Variants in SCAMP2 observed in about 807,000 individuals in gnomAD.
SCAMP2 encodes the protein secretory carrier membrane protein 2.
SCAMP2 carries 25 observed loss-of-function variants against 44.1 expected under a neutral mutation model. The ratio of observed to expected loss-of-function variants is 0.57; its 90% CI spans 0.41 to 0.79. The LOEUF (loss-of-function observed/expected upper bound fraction) is 0.79, where lower values mean the gene tolerates loss of function less well. Among genes scored for constraint, SCAMP2 ranks in the 30% least tolerant of loss-of-function variants. SCAMP2 has a pLI of 0.00. For missense variants in SCAMP2, 355 were observed against 411.0 expected (o/e 0.86, Z 1.18); for synonymous variants, 156 against 166.0 (o/e 0.94, Z 0.46).
chr15:74,851,557 A>G, intron 4 of SCAMP2, 76 bp from the exon 5 acceptor site: 1 of 1,583,596 alleles, frequency 6.3e-7, no homozygotes, highest in Non-Finnish European at 8.6e-7. Context: ...ACGCCAGCAT[A>G]GTGTATGGGC....
At chr15:74,846,453 AAAAAAAAAAG>A (rs1238474361) in intron 7 of SCAMP2, among the ~76,000 whole-genome samples, 16 of 104,980 alleles carry the variant, frequency 1.5e-4, no homozygotes, top group South Asian at 1.1e-3. Context: ...CTCCAAAAAA[AAAAAAAAAAG>A]AAAAGAAAAA....
chr15:74,853,796 C>T, intron 3 of SCAMP2: 3 of 581,904 alleles, frequency 5.2e-6, no homozygotes, highest in Non-Finnish European at 9.2e-6. Context: ...GTGAGTAGAG[C>T]TTATTTCTCA....
At chr15:74,855,494 A>G (rs1596417202) in intron 1 of SCAMP2, among the ~76,000 whole-genome samples, 1 of 151,948 alleles carries the variant, frequency 6.6e-6, no homozygotes, top group African/African-American at 2.4e-5. Context: ...AGGCGGGTGG[A>G]TCACCTGAGG....
chr15:74,847,992 C>T (rs1290474593), intron 7 of SCAMP2, among the ~76,000 whole-genome samples: 1 of 152,002 alleles, frequency 6.6e-6, no homozygotes, highest in East Asian at 1.9e-4. Flanking sequence ...GTGCAGGACA[C>T]TGTCATGGTA....
intron 1 of SCAMP2, among the ~76,000 whole-genome samples, chr15:74,861,482 G>A (rs1295137789): frequency 6.6e-6 from 1 of 152,266 alleles, no homozygotes; most frequent in East Asian, 1.9e-4. Flanking sequence ...ACTTACAATA[G>A]GAGAAAAAAG....
chr15:74,863,618 C>T (rs1214488122), intron 1 of SCAMP2, among the ~76,000 whole-genome samples: 3 of 152,106 alleles, frequency 2.0e-5, no homozygotes, highest in African/African-American at 4.8e-5. Flanking sequence ...GTCACCTGGC[C>T]GGGCATTCAA....
intron 1 of SCAMP2, among the ~76,000 whole-genome samples, chr15:74,866,269 A>G (rs1403613873): frequency 6.6e-6 from 1 of 151,718 alleles, no homozygotes; most frequent in Admixed American, 6.6e-5. Context: ...CAGCAGACGC[A>G]TCCCAGGCTC....
intron 5 of SCAMP2, among the ~76,000 whole-genome samples, 199 bp downstream of exon 5, chr15:74,851,154 T>C (rs1244930112): frequency 1.3e-5 from 2 of 152,030 alleles, no homozygotes; most frequent in Admixed American, 6.5e-5. Context: ...ATCGGTGGTC[T>C]GGACTGCCCC....
At chr15:74,853,632 A>C (rs1220693197) in intron 3 of SCAMP2, 1 of 364,820 alleles carries the variant, frequency 2.7e-6, no homozygotes, top group African/African-American at 2.1e-5. Context: ...GGGACAAAGG[A>C]AGACAGGAAG....
At chr15:74,871,938 G>A (rs1004660718) in intron 1 of SCAMP2, among the ~76,000 whole-genome samples, 19 of 137,188 alleles carry the variant, frequency 1.4e-4, no homozygotes, top group Non-Finnish European at 3.0e-4. Flanking sequence ...CCAGTTTCTC[G>A]GGAGGCTGAA....
intron 1 of SCAMP2, among the ~76,000 whole-genome samples, chr15:74,861,269 A>C (rs1362683802): frequency 6.6e-6 from 1 of 152,200 alleles, no homozygotes; most frequent in Non-Finnish European, 1.5e-5. Context: ...ACCTCTGTGA[A>C]GTCCTATTGG....
chr15:74,852,225 A>G, intron 3 of SCAMP2, 39 bp from the exon 4 acceptor site: 1 of 1,369,956 alleles, frequency 7.3e-7, no homozygotes, highest in South Asian at 1.6e-5. Context: ...AGCCAGACAC[A>G]ACAAACAGAA....
rs374519413 is a variant in SCAMP2 at position 74,852,184 on chromosome 15, G to T, written c.228C>A (p.Ala76=). The T allele has an allele frequency of 2.0e-6, 3 of 1,523,400 alleles. No homozygotes were observed. The East Asian group carries it at 7.5e-5, about 38-fold the overall frequency. 94.4% of individuals were successfully genotyped at this position (1,523,400 alleles called of 1,614,324 possible). ...GGCCTGCCTGGGCTGCAGACACCAC[G>T]GCCTGGAGAGAACAGGGGAGGTACA... ...SVEPTQPTPQ[A]VVSAAQAGLL... The change falls in exon 4 of 9, where the codon GCC becomes GCA. Residue 76 remains alanine (A), a splice_region_variant and synonymous_variant. Coordinates refer to ENST00000268099, the MANE Select transcript of SCAMP2 (RefSeq NM_005697.5).
intron 1 of SCAMP2, among the ~76,000 whole-genome samples, chr15:74,864,113 G>A (rs2064526533): frequency 6.6e-6 from 1 of 152,176 alleles, no homozygotes; most frequent in Non-Finnish European, 1.5e-5. Flanking sequence ...CCAGGCTGGA[G>A]TGCAGTGGCG....
intron 1 of SCAMP2, among the ~76,000 whole-genome samples, chr15:74,867,371 A>G (rs989772076): frequency 2.0e-5 from 3 of 152,244 alleles, no homozygotes; most frequent in African/African-American, 7.2e-5. Flanking sequence ...TCCAAAGAAG[A>G]CTTAACGGAA....
chr15:74,858,965 C>T (rs570651088), intron 1 of SCAMP2, among the ~76,000 whole-genome samples: 20 of 151,880 alleles, frequency 1.3e-4, no homozygotes, highest in African/African-American at 1.2e-4. Flanking sequence ...CCTGCCACCA[C>T]GCCCGGCTAC....
chr15:74,868,926 C>G (rs1023455339), intron 1 of SCAMP2, among the ~76,000 whole-genome samples: 1 of 152,052 alleles, frequency 6.6e-6, no homozygotes, highest in African/African-American at 2.4e-5. Context: ...GAGGCTGAGG[C>G]GGGTGGATCA....
At chr15:74,865,917 C>G (rs1041780867) in intron 1 of SCAMP2, among the ~76,000 whole-genome samples, 1 of 137,144 alleles carries the variant, frequency 7.3e-6, no homozygotes, top group South Asian at 2.3e-4. Flanking sequence ...TGCCACTGCA[C>G]TTCGGCCTAG....
At chr15:74,856,918 T>A (rs2064472394) in intron 1 of SCAMP2, among the ~76,000 whole-genome samples, 1 of 152,168 alleles carries the variant, frequency 6.6e-6, no homozygotes, top group African/African-American at 2.4e-5. Context: ...TTAAATACAA[T>A]GCTAATATTA....
Sources: gnomAD v4.1 joint callset for allele counts (sites outside exome capture counted in the v4.1 genomes callset) on GRCh38, gnomAD v4.1.1 for gene constraint, MANE v1.5 for transcripts, NCBI Gene and HGNC (gene_info 2026-07-23, HGNC 2026-07-21) for gene names.